Variants in VPS45 observed in about 807,000 individuals in gnomAD.
VPS45 encodes vacuolar protein sorting 45 homolog.
In VPS45, 35 loss-of-function variants were observed where a neutral mutation model predicts 75.9. The observed-to-expected ratio is 0.46, with a 90% CI of 0.35 to 0.61. VPS45 has a LOEUF of 0.61. VPS45 is among the 20% of genes least tolerant of loss of function. The pLI is 0.00. For synonymous variants in VPS45, 220 were observed against 238.2 expected (o/e 0.92, Z 0.70); for missense variants, 559 against 685.9 (o/e 0.81, Z 2.07).
At chr1:150,144,032 A>G in intron 14 of VPS45, among the ~76,000 whole-genome samples, 1 of 152,186 alleles carries the variant, frequency 6.6e-6, no homozygotes, top group Admixed American at 6.6e-5. Context: ...TGAACTGTAC[A>G]TTTTCCATAA....
intron 3 of VPS45, among the ~76,000 whole-genome samples, chr1:150,075,392 G>A (rs889413021): frequency 6.6e-6 from 1 of 152,146 alleles, no homozygotes; most frequent in African/African-American, 2.4e-5. Context: ...TCTAGTTCCT[G>A]TAAATTCATA....
chr1:150,067,755 C>A (rs1559895732), upstream of VPS45: 16 of 1,207,742 alleles, frequency 1.3e-5, no homozygotes, highest in South Asian at 1.7e-4. Flanking sequence ...GAAGCCGAAT[C>A]CCGGCTGGGA....
chr1:150,117,197 T>C (rs1657984388), intron 14 of VPS45, among the ~76,000 whole-genome samples: 1 of 143,370 alleles, frequency 7.0e-6, no homozygotes, highest in Admixed American at 7.0e-5. Flanking sequence ...GGCGACTCCG[T>C]CTCAAAAAAT....
chr1:150,087,245 C>T (rs1454167766), intron 10 of VPS45, among the ~76,000 whole-genome samples: 1 of 152,150 alleles, frequency 6.6e-6, no homozygotes, highest in African/African-American at 2.4e-5. Context: ...TTTTGCTTTG[C>T]TTTGCTTTGC....
At chr1:150,103,213 T>C (rs180711384) in intron 13 of VPS45, among the ~76,000 whole-genome samples, 79 of 152,316 alleles carry the variant, frequency 5.2e-4, no homozygotes, top group African/African-American at 1.8e-3. Flanking sequence ...GGAAGATGCA[T>C]ACAAAGAATT....
chr1:150,072,764 T>G (rs1655152305), intron 3 of VPS45, among the ~76,000 whole-genome samples: 1 of 152,138 alleles, frequency 6.6e-6, no homozygotes, highest in Admixed American at 6.5e-5. Flanking sequence ...TACTTTGCCT[T>G]TCAAGATGCT....
chr1:150,101,668 AG>A (rs1657016455), intron 13 of VPS45, among the ~76,000 whole-genome samples: 1 of 151,874 alleles, frequency 6.6e-6, no homozygotes, highest in African/African-American at 2.4e-5. Context: ...CGGGAGGCAA[AG>A]GTTGCAGTGA....
intron 13 of VPS45, among the ~76,000 whole-genome samples, chr1:150,093,967 C>T (rs966460383): frequency 1.3e-5 from 2 of 152,144 alleles, no homozygotes; most frequent in Non-Finnish European, 2.9e-5. Flanking sequence ...AACATTGAGG[C>T]CAAAAATAGG....
intron 14 of VPS45, among the ~76,000 whole-genome samples, chr1:150,128,935 G>A (rs1383744963): frequency 3.9e-5 from 6 of 152,116 alleles, no homozygotes; most frequent in African/African-American, 1.4e-4. Flanking sequence ...TAGAGATGGG[G>A]TTTCACCGTG....
At chr1:150,129,847 C>A (rs1319648550) in intron 14 of VPS45, among the ~76,000 whole-genome samples, 1 of 98,870 alleles carries the variant, frequency 1.0e-5, no homozygotes, top group Non-Finnish European at 1.9e-5. Context: ...GCCACCACGC[C>A]TGGCCAATTT....
intron 10 of VPS45, 100 bp downstream of exon 10, chr1:150,082,983 T>C: frequency 8.0e-7 from 1 of 1,242,554 alleles, no homozygotes; most frequent in African/African-American, 1.5e-5. Flanking sequence ...ACATGGAATT[T>C]AGTCCAACAA....
At chr1:150,094,946 C>A (rs587638437) in intron 13 of VPS45, among the ~76,000 whole-genome samples, 1 of 152,262 alleles carries the variant, frequency 6.6e-6, no homozygotes, top group Admixed American at 6.5e-5. Flanking sequence ...ATTCCTTGAA[C>A]AAAATGCACA....
At chr1:150,099,110 C>T in intron 13 of VPS45, 4 of 1,005,552 alleles carry the variant, frequency 4.0e-6, no homozygotes, top group Non-Finnish European at 4.8e-6. Context: ...ACAATTTTAG[C>T]CATAAGTGTA....
In VPS45 at chr1:150,099,605, G is replaced by A. The variant is rs587631315; in HGVS notation, c.1493+5957G>A. On this transcript the variant is annotated intron_variant, in intron 13 of 14. Transcript: ENST00000644510. ...TCCCAGTATTCTGGGAGGCCAAGGC[G>A]GGCGGATCATGAGGTCAGGAGATTG... Among the ~76,000 whole-genome samples, 6 of 151,922 alleles carry A rather than the reference G, an allele frequency of 3.9e-5. 1 individual carries two copies. The highest frequency in any genetic ancestry group is 1.9e-4 in the East Asian group (1 of 5,160).
chr1:150,080,465 C>T lies in VPS45; in HGVS notation c.688-877C>T, dbSNP rs114862058. Among the ~76,000 whole-genome samples, 1,308 of 152,080 alleles carry T rather than the reference C, an allele frequency of 8.6e-3. 20 individuals carry two copies. The highest frequency in any genetic ancestry group is 0.03 in the African/African-American group (1,264 of 41,506). ...AGCCTTGTTGTACTTATTTTAAGTG[C>T]GACTTAATGGAACTTGCTTTTTCAA... On this transcript the variant is annotated intron_variant, in intron 7 of 14. Transcript: ENST00000644510.
intron 14 of VPS45, among the ~76,000 whole-genome samples, chr1:150,110,856 A>G (rs1657613123): frequency 5.3e-5 from 8 of 152,226 alleles, no homozygotes; most frequent in Admixed American, 5.2e-4. Flanking sequence ...CCTAGAAAGT[A>G]AGAACCATCT....
intron 14 of VPS45, among the ~76,000 whole-genome samples, chr1:150,130,198 C>CACTTTT (rs1553811982): frequency 3.9e-4 from 34 of 86,316 alleles, no homozygotes; most frequent in African/African-American, 1.5e-3. Context: ...CACACACACA[C>CACTTTT]TTTTTTTTTT....
chr1:150,070,873 C>T (rs1368776522), intron 2 of VPS45, among the ~76,000 whole-genome samples: 1 of 151,332 alleles, frequency 6.6e-6, no homozygotes, highest in Non-Finnish European at 1.5e-5. Flanking sequence ...TTTTCTTTTT[C>T]CTCTTTTATA....
At chr1:150,102,905 T>A (rs1427465397) in intron 13 of VPS45, among the ~76,000 whole-genome samples, 3 of 152,154 alleles carry the variant, frequency 2.0e-5, no homozygotes, top group African/African-American at 7.2e-5. Flanking sequence ...ACAGAAAAGA[T>A]AACTATTGGG....
Sources: allele counts gnomAD v4.1 joint callset (sites outside exome capture counted in the v4.1 genomes callset), GRCh38; gene constraint gnomAD v4.1.1; transcripts MANE v1.5; gene names NCBI Gene and HGNC (gene_info 2026-07-23, HGNC 2026-07-21).